Variants in RBFOX1 observed in about 807,000 individuals in gnomAD.
RBFOX1 encodes RNA binding protein fox-1 homolog 1.
RBFOX1 carries 8 observed loss-of-function variants against 57.7 expected under a neutral mutation model. The observed-to-expected ratio is 0.14, with a 90% CI of 0.08 to 0.25. The LOEUF (loss-of-function observed/expected upper bound fraction) is 0.25, where lower values mean the gene tolerates loss of function less well. Among genes scored for constraint, RBFOX1 ranks in the 10% least tolerant of loss-of-function variants. The pLI, the probability that RBFOX1 is intolerant of heterozygous loss-of-function variation, is 1.00. For synonymous variants in RBFOX1, 326 were observed against 222.4 expected, an observed-to-expected ratio of 1.47 and a Z score of -4.15; for missense variants, 611 against 548.5, an observed-to-expected ratio of 1.11 and a Z score of -1.14.
intron 4 of RBFOX1, among the ~76,000 whole-genome samples, chr16:7,410,830 CGTGTGTGTGTGTGTGTGTGT>C (rs56755477): frequency 2.0e-5 from 3 of 150,344 alleles, no homozygotes; most frequent in Non-Finnish European, 3.0e-5. Flanking sequence ...TGAGTTTTCA[CGTGTGTGTGTGTGTGTGTGT>C]GTGTGTGTGT....
intron 3 of RBFOX1, among the ~76,000 whole-genome samples, chr16:7,031,521 G>A (rs969880291): frequency 4.6e-5 from 7 of 151,884 alleles, no homozygotes; most frequent in Admixed American, 1.3e-4. Flanking sequence ...ACTTGAACCC[G>A]TAAGGTGGAG....
chr16:7,685,000 A>G (rs549633417), intron 14 of RBFOX1, among the ~76,000 whole-genome samples: 2 of 152,220 alleles, frequency 1.3e-5, no homozygotes, highest in South Asian at 4.1e-4. Flanking sequence ...GATCATCTAA[A>G]AAGCCTGCAG....
chr16:5,803,325 A>G (rs2055119519), intron 3 of RBFOX1, among the ~76,000 whole-genome samples: 1 of 152,112 alleles, frequency 6.6e-6, no homozygotes, highest in Non-Finnish European at 1.5e-5. Flanking sequence ...TCCTCTTTGT[A>G]CTGGCTTTGG....
intron 3 of RBFOX1, among the ~76,000 whole-genome samples, chr16:5,669,005 TC>T (rs1445466959): frequency 2.0e-5 from 3 of 152,140 alleles, no homozygotes; most frequent in African/African-American, 7.2e-5. Flanking sequence ...ATGAAAATAA[TC>T]CTTGCCCAAT....
chr16:5,782,253 A>G (rs1224210887), intron 3 of RBFOX1, among the ~76,000 whole-genome samples: 1 of 152,220 alleles, frequency 6.6e-6, no homozygotes, highest in Non-Finnish European at 1.5e-5. Flanking sequence ...GAAGTCCAAG[A>G]TCAGGGTGTC....
At chr16:7,687,723 A>G (rs984079111) in intron 14 of RBFOX1, among the ~76,000 whole-genome samples, 3 of 152,092 alleles carry the variant, frequency 2.0e-5, no homozygotes. Flanking sequence ...AATTATAACT[A>G]CTGTAATTAG....
At chr16:6,101,905 A>C (rs928520026) in intron 1 of RBFOX1, among the ~76,000 whole-genome samples, 6 of 151,852 alleles carry the variant, frequency 4.0e-5, no homozygotes, top group African/African-American at 1.2e-4. Context: ...GGAGGTGATT[A>C]TTTGGCCAGT....
intron 2 of RBFOX1, among the ~76,000 whole-genome samples, chr16:5,500,098 C>A (rs1312355476): frequency 7.4e-6 from 1 of 135,382 alleles, no homozygotes; most frequent in Non-Finnish European, 1.6e-5. Flanking sequence ...TCCCTCCATT[C>A]CCTCCCTTCC....
At chr16:7,443,184 G>C (rs750409359) in intron 4 of RBFOX1, among the ~76,000 whole-genome samples, 1 of 152,096 alleles carries the variant, frequency 6.6e-6, no homozygotes, top group Non-Finnish European at 1.5e-5. Context: ...GCGTGGTACA[G>C]GAGATTTCAT....
chr16:5,547,859 C>T (rs139105249), intron 2 of RBFOX1, among the ~76,000 whole-genome samples: 26 of 151,936 alleles, frequency 1.7e-4, no homozygotes, highest in African/African-American at 6.0e-4. Flanking sequence ...TACACATGGA[C>T]GTAAAGATGG....
intron 3 of RBFOX1, among the ~76,000 whole-genome samples, chr16:6,658,087 A>T (rs977316404): frequency 6.6e-6 from 1 of 152,082 alleles, no homozygotes; most frequent in Non-Finnish European, 1.5e-5. Context: ...TTTTCCATGG[A>T]GTCCTACGGG....
chr16:7,700,117 ATGCCAGTACATAAGACTT>A (rs1175509700), intron 14 of RBFOX1, among the ~76,000 whole-genome samples: 2 of 151,966 alleles, frequency 1.3e-5, no homozygotes, highest in Non-Finnish European at 2.9e-5. Flanking sequence ...AGGATGGGAG[ATGCCAGTACATAAGACTT>A]TGGATCATCA....
At chr16:6,290,368 TGTGACCATAGCATTTTTGGACA>T (rs2077346301) in intron 1 of RBFOX1, among the ~76,000 whole-genome samples, 1 of 151,704 alleles carries the variant, frequency 6.6e-6, no homozygotes. Flanking sequence ...TTTGTAAAAT[TGTGACCATAGCATTTTTGGACA>T]GTGGAGGAGG....
At chr16:6,959,257 T>C (rs1470985274) in intron 3 of RBFOX1, among the ~76,000 whole-genome samples, 1 of 152,192 alleles carries the variant, frequency 6.6e-6, no homozygotes, top group Non-Finnish European at 1.5e-5. Context: ...AGGCAGATTT[T>C]GTGAGGCCAT....
chr16:5,745,635 G>A (rs377424443), intron 3 of RBFOX1, among the ~76,000 whole-genome samples: 1 of 152,130 alleles, frequency 6.6e-6, no homozygotes, highest in Non-Finnish European at 1.5e-5. Context: ...GATCGCCATT[G>A]TAACTGGTGT....
chr16:6,202,105 G>C (rs1207010584), intron 1 of RBFOX1, among the ~76,000 whole-genome samples: 2 of 152,166 alleles, frequency 1.3e-5, no homozygotes, highest in African/African-American at 4.8e-5. Context: ...CTTGAGTTGG[G>C]AGAAACACAT....
chr16:7,285,898 C>G (rs921994977), intron 4 of RBFOX1, among the ~76,000 whole-genome samples: 2 of 152,120 alleles, frequency 1.3e-5, no homozygotes, highest in African/African-American at 2.4e-5. Context: ...GATAAGGGCT[C>G]AAGAAAGAAC....
At chr16:5,405,925 G>C (rs2066852959) in intron 1 of RBFOX1, among the ~76,000 whole-genome samples, 1 of 152,122 alleles carries the variant, frequency 6.6e-6, no homozygotes, top group African/African-American at 2.4e-5. Flanking sequence ...GAGTCAGTAG[G>C]GAGAACGCTC....
rs73518513 is a variant in RBFOX1 at position 5,834,971 on chromosome 16, C to T, written c.319-32332C>T. 3.9e-3 allele frequency among the ~76,000 whole-genome samples: 594 copies of T among 152,272 alleles called. 10 individuals are homozygous for T. The highest frequency in any genetic ancestry group is 0.014 in the African/African-American group (567 of 41,548). On this transcript the variant is annotated intron_variant, in intron 3 of 19. Transcript: ENST00000641259. The stretch of plus-strand genomic sequence containing the variant: ...CCAGTTTACATTCCCACCAACAGTG[C>T]GTAAGTGTTCCCTTTGAGATATCAC...
Sources: allele counts gnomAD v4.1 joint callset (sites outside exome capture counted in the v4.1 genomes callset), GRCh38; gene constraint gnomAD v4.1.1; transcripts MANE v1.5; gene names NCBI Gene and HGNC (gene_info 2026-07-23, HGNC 2026-07-21).